Variants in CSTF3 observed in about 807,000 individuals in gnomAD.
CSTF3 encodes CF-1 77 kDa subunit.
CSTF3 carries 29 observed loss-of-function variants against 105.8 expected under a neutral mutation model. That is an observed-to-expected ratio of 0.27 (90% confidence interval 0.20 to 0.37). The LOEUF (loss-of-function observed/expected upper bound fraction) is 0.37. Among genes scored for constraint, CSTF3 ranks in the 10% least tolerant of loss-of-function variants. The pLI, the probability that CSTF3 is intolerant of heterozygous loss-of-function variation, is 1.00. For synonymous variants in CSTF3, 252 were observed against 281.9 expected (o/e 0.89, Z 1.06); for missense variants, 357 against 879.3 (o/e 0.41, Z 7.51).
At chr11:33,140,852 C>T (rs553566345) in intron 3 of CSTF3, 3 of 151,932 alleles carry the variant, frequency 2.0e-5, no homozygotes, top group Admixed American at 1.3e-4. Context: ...TACATCTTAC[C>T]CCTTCCATAT....
chr11:33,136,318 T>G (rs1176098023), intron 3 of CSTF3: 2 of 152,112 alleles, frequency 1.3e-5, no homozygotes, highest in South Asian at 2.1e-4. Flanking sequence ...GCAAACCGGT[T>G]TAATAATAAA....
intron 5 of CSTF3, among the ~76,000 whole-genome samples, chr11:33,106,728 TTATC>T (rs1855330928): frequency 6.6e-6 from 1 of 152,166 alleles, no homozygotes; most frequent in South Asian, 2.1e-4. Context: ...ATTGTTTCCT[TTATC>T]TACTGCTTGT....
At chr11:33,142,967 G>A (rs566993853) in intron 1 of CSTF3, among the ~76,000 whole-genome samples, 1 of 152,126 alleles carries the variant, frequency 6.6e-6, no homozygotes, top group African/African-American at 2.4e-5. Context: ...TATGAGAGAG[G>A]TTGAAGTCAC....
Position 33,096,165 on chromosome 11 carries a change from C to T in CSTF3, c.1375+141G>A, listed in dbSNP as rs974624129. On this transcript the variant is annotated intron_variant, in intron 15 of 20. Coordinates refer to ENST00000323959, the MANE Select transcript of CSTF3 (RefSeq NM_001326.3). The stretch of plus-strand genomic sequence containing the variant: ...AGTAAATATATTCATGGTTGATATA[C>T]CACAAGTATTTCTTGAGTGCCTAAC... 18 of 550,504 alleles carry T rather than the reference C, an allele frequency of 3.3e-5. No homozygotes were observed. In the East Asian group the frequency reaches 5.6e-4, roughly 17 times the overall value. 34.1% of individuals were successfully genotyped at this position (550,504 alleles called of 1,614,324 possible).
chr11:33,150,879 G>C (rs1297304916), intron 1 of CSTF3, among the ~76,000 whole-genome samples: 1 of 151,488 alleles, frequency 6.6e-6, no homozygotes, highest in Non-Finnish European at 1.5e-5. Context: ...AGGTTTGAAA[G>C]TAGAATAAGC....
chr11:33,124,687 G>A (rs1390143383), intron 3 of CSTF3, among the ~76,000 whole-genome samples: 2 of 152,108 alleles, frequency 1.3e-5, no homozygotes, highest in Non-Finnish European at 2.9e-5. Context: ...CTTAATAAAT[G>A]AGCTTGTAAT....
intron 3 of CSTF3, among the ~76,000 whole-genome samples, chr11:33,111,769 T>G (rs1855381709): frequency 6.6e-6 from 1 of 152,202 alleles, no homozygotes; most frequent in African/African-American, 2.4e-5. Flanking sequence ...CCAATAAATG[T>G]ATGTAGAAAG....
rs1462275956 is a variant in CSTF3, at chr11:33,098,784, G to A, written c.1054-20C>T. 6.8e-7 allele frequency: 1 copy of A among 1,468,270 alleles called. No individual in the cohort carries two copies. The highest frequency in any genetic ancestry group is 9.1e-7 in the Non-Finnish European group (1 of 1,100,158). The allele number at this position is 1,468,270 out of a possible 1,614,324, so 91.0% of individuals were successfully genotyped here. ...GCGACTCTAAGGTGGTACAGAAGAA[G>A]TGAGTATCAACATATGGTCATAAAT... On this transcript the variant is annotated intron_variant, in intron 12 of 20. Transcript: ENST00000323959.
intron 1 of CSTF3, among the ~76,000 whole-genome samples, chr11:33,147,426 C>T (rs1353448727): frequency 6.6e-6 from 1 of 151,722 alleles, no homozygotes; most frequent in Non-Finnish European, 1.5e-5. Flanking sequence ...AAAACCCCAT[C>T]TCTATTAAAA....
At chr11:33,094,819 T>C (rs942925958) in intron 15 of CSTF3, among the ~76,000 whole-genome samples, 2 of 145,594 alleles carry the variant, frequency 1.4e-5, no homozygotes, top group Non-Finnish European at 3.0e-5. Context: ...TCTATAATCA[T>C]TTACATGACA....
At chr11:33,127,028 G>A (rs1855550604) in intron 3 of CSTF3, among the ~76,000 whole-genome samples, 1 of 152,116 alleles carries the variant, frequency 6.6e-6, no homozygotes, top group Non-Finnish European at 1.5e-5. Context: ...AGCTAGCAAA[G>A]CAGCTATCTG....
At chr11:33,141,558 AC>A (rs1407080439) in intron 3 of CSTF3, 108 bp downstream of exon 3, 2 of 1,423,476 alleles carry the variant, frequency 1.4e-6, no homozygotes, top group Admixed American at 3.1e-5. Context: ...TAAAGGTAAG[AC>A]ACATTTAAAT....
intron 1 of CSTF3, chr11:33,156,573 C>T (rs1353946430): frequency 2.6e-6 from 1 of 385,508 alleles, no homozygotes; most frequent in Non-Finnish European, 5.1e-6. Context: ...TTAAGAACTA[C>T]CAGCAATTAA....
chr11:33,135,397 T>C (rs1178418741), intron 3 of CSTF3, among the ~76,000 whole-genome samples: 1 of 152,158 alleles, frequency 6.6e-6, no homozygotes, highest in Non-Finnish European at 1.5e-5. Flanking sequence ...TAAGATTCAA[T>C]TACTGCCCTG....
In CSTF3 at chr11:33,085,271, C is replaced by A. The variant is rs747673379; in HGVS notation, c.1970G>T (p.Arg657Met). The change falls in exon 21 of 21, where the codon AGG becomes ATG. Residue 657 changes from arginine to methionine, a missense_variant. Arg to Met is a moderately conservative substitution (Grantham distance 91). Coordinates refer to ENST00000323959, the MANE Select transcript of CSTF3 (RefSeq NM_001326.3). ...KIPNTVEEAV[R>M]IITGGAPELA... is the part of the protein sequence containing the mutation. Reference sequence around the variant, plus strand: ...CTCTGGGGCCCCACCAGTAATGATCCTCACAGCTTCCTCAACAGCTATTAA... The same window carrying A: ...CTCTGGGGCCCCACCAGTAATGATCATCACAGCTTCCTCAACAGCTATTAA... The A allele has an allele frequency of 6.5e-7, 1 of 1,549,420 alleles. No individual in the cohort carries two copies. Among genetic ancestry groups the A allele is most frequent in the Non-Finnish European group, 8.7e-7 (1 of 1,151,754 alleles).
rs1475653021 is a variant in CSTF3 at position 33,113,033 on chromosome 11, C to T, written c.226-4615G>A. On this transcript the variant is annotated intron_variant, in intron 3 of 20. Coordinates refer to ENST00000323959, the MANE Select transcript of CSTF3 (RefSeq NM_001326.3). ...GACCAGCCTGGCCAACATAGTGAAACCCCGTCTCTACTAAAAATATAAAAT... is the reference window on the plus strand; with the variant it reads ...GACCAGCCTGGCCAACATAGTGAAATCCCGTCTCTACTAAAAATATAAAAT... 2.6e-5 allele frequency among the ~76,000 whole-genome samples: 4 copies of T among 151,940 alleles called. No individual in the cohort carries two copies. The East Asian group carries it at 7.8e-4, about 30-fold the overall frequency.
At chr11:33,107,485 G>A (rs1265526644) in intron 5 of CSTF3, among the ~76,000 whole-genome samples, 1 of 152,118 alleles carries the variant, frequency 6.6e-6, no homozygotes, top group African/African-American at 2.4e-5. Flanking sequence ...ATTCGGAGTG[G>A]GGATGGCAAC....
At chr11:33,098,071 G>T (rs1002761086) in intron 13 of CSTF3, among the ~76,000 whole-genome samples, 1 of 152,124 alleles carries the variant, frequency 6.6e-6, no homozygotes, top group African/African-American at 2.4e-5. Flanking sequence ...TATAGCAGTG[G>T]AATCCCAATA....
chr11:33,148,770 C>A (rs1037118187), intron 1 of CSTF3, among the ~76,000 whole-genome samples: 1 of 151,642 alleles, frequency 6.6e-6, no homozygotes, highest in Non-Finnish European at 1.5e-5. Context: ...CTAGTGAAAC[C>A]TATGAGCCTT....
Sources: gnomAD v4.1 joint callset for allele counts (sites outside exome capture counted in the v4.1 genomes callset) on GRCh38, gnomAD v4.1.1 for gene constraint, MANE v1.5 for transcripts, NCBI Gene and HGNC (gene_info 2026-07-23, HGNC 2026-07-21) for gene names.